TTC28: variants seen among roughly 807,000 people sequenced by gnomAD.
The protein encoded by TTC28 is tetratricopeptide repeat protein 28.
TTC28 carries 61 observed loss-of-function variants against 198.0 expected under a neutral mutation model. The observed-to-expected ratio is 0.31, with a 90% confidence interval of 0.25 to 0.38. The LOEUF is 0.38. TTC28 is among the 10% of genes least tolerant of loss of function. The pLI is 1.00. For synonymous variants in TTC28, 1,171 were observed against 1,297.8 expected, an observed-to-expected ratio of 0.90 and a Z score of 2.10; for missense variants, 2,678 against 3,164.0, an observed-to-expected ratio of 0.85 and a Z score of 3.69.
In TTC28 at chr22:28,263,474, T is replaced by C. The variant is rs112486469; in HGVS notation, c.933+32724A>G. On this transcript the variant is annotated intron_variant, in intron 5 of 22. Transcript: ENST00000397906. ...AAAAAATTCAGCAATAAGTACATTATTGCTTTCTTTAATTATAAACATTCA... is the reference window on the plus strand; with the variant it reads ...AAAAAATTCAGCAATAAGTACATTACTGCTTTCTTTAATTATAAACATTCA... Among the ~76,000 whole-genome samples the C allele has an allele frequency of 9.3e-3, 1,420 of 152,276 alleles. 34 individuals carry two copies. The highest frequency in any genetic ancestry group is 0.085 in the East Asian group (441 of 5,186).
intron 2 of TTC28, among the ~76,000 whole-genome samples, chr22:28,499,887 G>A (rs1486180452): frequency 1.3e-5 from 2 of 152,020 alleles, no homozygotes; most frequent in Non-Finnish European, 2.9e-5. Flanking sequence ...GATCAGATTG[G>A]GGTAATCAGC....
intron 1 of TTC28, among the ~76,000 whole-genome samples, chr22:28,658,781 G>C (rs1262894561): frequency 6.6e-6 from 1 of 152,196 alleles, no homozygotes. Flanking sequence ...TGGATCACCT[G>C]AGGTCAGGAT....
At chr22:28,348,067 C>T (rs1037610243) in intron 2 of TTC28, among the ~76,000 whole-genome samples, 1 of 152,230 alleles carries the variant, frequency 6.6e-6, no homozygotes, top group African/African-American at 2.4e-5. Context: ...CTTCCTTCTA[C>T]TGTTCCAAGT....
At chr22:28,191,104 C>A (rs762537787) in intron 5 of TTC28, among the ~76,000 whole-genome samples, 6 of 152,160 alleles carry the variant, frequency 3.9e-5, no homozygotes, top group Non-Finnish European at 7.4e-5. Flanking sequence ...TGGCATATTT[C>A]TTGTTCTCTG....
intron 1 of TTC28, among the ~76,000 whole-genome samples, chr22:28,640,270 G>GA (rs1173903449): frequency 3.1e-5 from 3 of 96,062 alleles, no homozygotes; most frequent in South Asian, 3.8e-4. Context: ...AAAAAAAAAA[G>GA]AAAAAATCCC....
intron 2 of TTC28, among the ~76,000 whole-genome samples, chr22:28,406,092 G>A (rs1044583601): frequency 1.3e-5 from 2 of 152,196 alleles, no homozygotes; most frequent in Non-Finnish European, 2.9e-5. Context: ...TTTGGGGCTC[G>A]CCTGCACTGC....
chr22:28,098,845 T>TG, intron 10 of TTC28, 70 bp downstream of exon 10: 1 of 1,505,412 alleles, frequency 6.6e-7, no homozygotes, highest in African/African-American at 1.4e-5. Context: ...CTAAACAACT[T>TG]GGACACATGG....
At chr22:28,463,530 T>A (rs572483845) in intron 2 of TTC28, among the ~76,000 whole-genome samples, 1 of 152,130 alleles carries the variant, frequency 6.6e-6, no homozygotes, top group African/African-American at 2.4e-5. Flanking sequence ...CCAACAATGA[T>A]AGACTGGATT....
chr22:28,352,370 A>G (rs1263432700), intron 2 of TTC28, among the ~76,000 whole-genome samples: 1 of 151,298 alleles, frequency 6.6e-6, no homozygotes, highest in Non-Finnish European at 1.5e-5. Flanking sequence ...CAGTCAGTAC[A>G]GCAAATATGG....
At chr22:28,253,903 G>T (rs919650598) in intron 5 of TTC28, among the ~76,000 whole-genome samples, 25 of 151,940 alleles carry the variant, frequency 1.6e-4, no homozygotes, top group African/African-American at 6.1e-4. Context: ...TCAGGAGTTC[G>T]AGAGCAGCCT....
chr22:28,157,123 T>A (rs1943767033), intron 6 of TTC28, among the ~76,000 whole-genome samples: 1 of 152,192 alleles, frequency 6.6e-6, no homozygotes, highest in Non-Finnish European at 1.5e-5. Context: ...TTGCAACTGA[T>A]AACTGATACT....
At chr22:28,575,549 G>T (rs1005582594) in intron 2 of TTC28, among the ~76,000 whole-genome samples, 3 of 152,152 alleles carry the variant, frequency 2.0e-5, no homozygotes, top group African/African-American at 7.2e-5. Flanking sequence ...TGTGAAGAAT[G>T]TGATTGTTAT....
At chr22:28,423,340 A>C (rs940105088) in intron 2 of TTC28, among the ~76,000 whole-genome samples, 3 of 152,188 alleles carry the variant, frequency 2.0e-5, no homozygotes, top group African/African-American at 7.2e-5. Flanking sequence ...CAGTGAGCCA[A>C]GATTGCACCA....
chr22:28,259,695 G>A (rs1931188776), intron 5 of TTC28, among the ~76,000 whole-genome samples: 1 of 151,846 alleles, frequency 6.6e-6, no homozygotes, highest in South Asian at 2.1e-4. Flanking sequence ...AAAAAGAATT[G>A]GCTAGCCACA....
intron 2 of TTC28, among the ~76,000 whole-genome samples, chr22:28,358,206 G>A (rs1169894182): frequency 6.6e-6 from 1 of 152,178 alleles, no homozygotes; most frequent in Non-Finnish European, 1.5e-5. Context: ...TAATATGCAT[G>A]TGTTACAACC....
At chr22:28,275,154 G>A (rs1223439170) in intron 5 of TTC28, among the ~76,000 whole-genome samples, 1 of 152,110 alleles carries the variant, frequency 6.6e-6, no homozygotes, top group African/African-American at 2.4e-5. Context: ...AAACAGGACA[G>A]ACTATTCAGT....
At position 28,559,419 on chromosome 22, in the gene TTC28, C is replaced by G. The variant is rs117677601; in HGVS notation, c.381+70133G>C. On this transcript the variant is annotated intron_variant, in intron 2 of 22. Coordinates refer to ENST00000397906, the MANE Select transcript of TTC28 (RefSeq NM_001145418.2). ...ATAGTTTTTAAAGTTCAATCATTTA[C>G]GAAGTTAAACTTAAGACCTATAACA... is the stretch of plus-strand genomic sequence containing the variant. 1.6e-3 allele frequency among the ~76,000 whole-genome samples: 245 copies of G among 152,262 alleles called. 7 individuals carry two copies. The East Asian group carries it at 0.042, about 26-fold the overall frequency.
intron 13 of TTC28, among the ~76,000 whole-genome samples, chr22:28,020,382 C>T (rs1938542923): frequency 6.6e-6 from 1 of 152,216 alleles, no homozygotes; most frequent in South Asian, 2.1e-4. Context: ...CTCCAAAGCA[C>T]ACAGTCTGTG....
chr22:28,193,951 C>T (rs1925144376), intron 5 of TTC28, among the ~76,000 whole-genome samples: 1 of 152,170 alleles, frequency 6.6e-6, no homozygotes, highest in Non-Finnish European at 1.5e-5. Flanking sequence ...TAGACATCTA[C>T]AGAACTCTCC....
Sources: gnomAD v4.1 joint callset for allele counts (sites outside exome capture counted in the v4.1 genomes callset) on GRCh38, gnomAD v4.1.1 for gene constraint, MANE v1.5 for transcripts, NCBI Gene and HGNC (gene_info 2026-07-23, HGNC 2026-07-21) for gene names.